Variants in RBMS1 observed in about 807,000 individuals in gnomAD.
RBMS1 encodes RNA-binding motif, single-stranded-interacting protein 1.
Under a neutral mutation model 62.3 loss-of-function variants are expected in RBMS1, and 17 were observed. The observed-to-expected ratio is 0.27, with a 90% CI of 0.19 to 0.41. RBMS1 has a LOEUF of 0.41. Among genes scored for constraint, RBMS1 ranks in the 10% least tolerant of loss-of-function variants. The pLI is 1.00. For missense variants in RBMS1, 334 were observed against 504.5 expected (o/e 0.66, Z 3.24); for synonymous variants, 172 against 170.0 (o/e 1.01, Z -0.09).
rs945310789 is a variant in RBMS1 at position 160,451,170 on chromosome 2, T to TA, written c.75+42118dup. On this transcript the variant is annotated intron_variant, in intron 1 of 13. Transcript: ENST00000348849. The stretch of plus-strand genomic sequence containing the variant: ...AGACCATGCTTCAGAAAAAAAAAAA[T>TA]AAATAAATAAAAACTAGAGAAAATA... Among the ~76,000 whole-genome samples, 25 of 127,736 alleles carry TA rather than the reference T, an allele frequency of 2.0e-4. 1 individual carries two copies. In the Middle Eastern group the frequency reaches 0.014, roughly 70 times the overall value. 83.8% of individuals were successfully genotyped at this position (127,736 alleles called of 152,430 possible).
intron 1 of RBMS1, chr2:160,407,622 G>A (rs1243409513): frequency 7.1e-6 from 7 of 981,898 alleles, no homozygotes; most frequent in South Asian, 4.5e-5. Flanking sequence ...GTGGCCGGCC[G>A]GGCCCGGGGC....
At chr2:160,292,872 TCTC>T (rs1352564897) in intron 6 of RBMS1, among the ~76,000 whole-genome samples, 3 of 152,126 alleles carry the variant, frequency 2.0e-5, no homozygotes, top group African/African-American at 7.2e-5. Context: ...AAACTAGTCT[TCTC>T]CTCCTCAGTA....
At chr2:160,382,158 A>C (rs1157463341) in intron 1 of RBMS1, among the ~76,000 whole-genome samples, 1 of 152,206 alleles carries the variant, frequency 6.6e-6, no homozygotes, top group African/African-American at 2.4e-5. Flanking sequence ...GCAGTGATTA[A>C]AATGTTATAT....
At chr2:160,318,086 G>C (rs1690326056) in intron 3 of RBMS1, 83 bp downstream of exon 3, 4 of 1,552,250 alleles carry the variant, frequency 2.6e-6, no homozygotes, top group Non-Finnish European at 3.5e-6. Context: ...AACGAAGGTG[G>C]TTTTGAAACC....
chr2:160,493,178 T>A, intron 1 of RBMS1, 111 bp downstream of exon 1: 2 of 1,073,186 alleles, frequency 1.9e-6, no homozygotes, highest in South Asian at 2.9e-5. Context: ...TTCCAGCAAC[T>A]CCGCCCGGCG....
At chr2:160,404,920 A>G (rs955005140) in intron 1 of RBMS1, among the ~76,000 whole-genome samples, 1 of 152,218 alleles carries the variant, frequency 6.6e-6, no homozygotes, top group Admixed American at 6.5e-5. Context: ...CAGTACATGT[A>G]GGCAGGCAGC....
At chr2:160,336,403 C>G (rs1250472030) in intron 2 of RBMS1, among the ~76,000 whole-genome samples, 1 of 152,004 alleles carries the variant, frequency 6.6e-6, no homozygotes, top group African/African-American at 2.4e-5. Flanking sequence ...GGGAGACAAC[C>G]CATGCCTCTA....
rs573647683 is a variant in RBMS1 at position 160,363,642 on chromosome 2, G to C, written c.251+3574C>G. 2.0e-5 allele frequency among the ~76,000 whole-genome samples: 3 copies of C among 152,278 alleles called. No homozygotes were observed. In the South Asian group the frequency reaches 6.2e-4, roughly 32 times the overall value. ...CTTAGTGACAAAGGGACAAAGAGAA[G>C]GAGCTGCTGACTCCTAAAGCTTTCC... On this transcript the variant is annotated intron_variant, in intron 2 of 13. Coordinates refer to ENST00000348849, the MANE Select transcript of RBMS1 (RefSeq NM_016836.4).
intron 1 of RBMS1, among the ~76,000 whole-genome samples, chr2:160,488,174 C>T (rs1254327723): frequency 6.6e-6 from 1 of 152,216 alleles, no homozygotes; most frequent in East Asian, 1.9e-4. Context: ...TTACATTTTG[C>T]TCTGTATCAC....
At chr2:160,461,434 T>C (rs1684459992) in intron 1 of RBMS1, among the ~76,000 whole-genome samples, 2 of 152,244 alleles carry the variant, frequency 1.3e-5, no homozygotes, top group Non-Finnish European at 2.9e-5. Context: ...TGCCTGAAGT[T>C]CTTCACTTTA....
intron 1 of RBMS1, among the ~76,000 whole-genome samples, chr2:160,376,804 C>CAAATAAAT (rs144445931): frequency 2.5e-4 from 37 of 150,944 alleles, no homozygotes; most frequent in South Asian, 6.3e-4. Flanking sequence ...TCTGGCTAAT[C>CAAATAAAT]AAATAAATAA....
chr2:160,352,228 A>G (rs1692556670), intron 2 of RBMS1, among the ~76,000 whole-genome samples: 1 of 152,102 alleles, frequency 6.6e-6, no homozygotes, highest in African/African-American at 2.4e-5. Context: ...GGTTCCTCCT[A>G]AAAGCCATAC....
At chr2:160,380,847 G>A (rs941336227) in intron 1 of RBMS1, among the ~76,000 whole-genome samples, 9 of 152,132 alleles carry the variant, frequency 5.9e-5, no homozygotes, top group Non-Finnish European at 1.2e-4. Flanking sequence ...GCTCTTCCCC[G>A]CAACCCAGTA....
At chr2:160,369,304 C>A (rs1240107842) in intron 1 of RBMS1, among the ~76,000 whole-genome samples, 1 of 152,160 alleles carries the variant, frequency 6.6e-6, no homozygotes, top group East Asian at 1.9e-4. Context: ...AAACTAAGAC[C>A]AAATTCTGAC....
Position 160,493,434 on chromosome 2 carries a change from C to G in RBMS1, c.-71G>C. On this transcript the variant is annotated 5_prime_UTR_variant, in exon 1 of 14. Coordinates refer to ENST00000348849, the MANE Select transcript of RBMS1 (RefSeq NM_016836.4). ...GTTTCCAAGTCTCGGGCTCTCCTGC[C>G]TCTCCCTTTCCGGCGGCGGCGGCAG... is the stretch of plus-strand genomic sequence containing the variant. 6.8e-7 allele frequency: 1 copy of G among 1,475,384 alleles called. No individual in the cohort carries two copies. Among genetic ancestry groups the G allele is most frequent in the Non-Finnish European group, 9.4e-7 (1 of 1,060,748 alleles). 91.4% of individuals were successfully genotyped at this position (1,475,384 alleles called of 1,614,324 possible).
At chr2:160,431,613 T>C (rs1682899188) in intron 1 of RBMS1, among the ~76,000 whole-genome samples, 1 of 151,838 alleles carries the variant, frequency 6.6e-6, no homozygotes, top group South Asian at 2.1e-4. Flanking sequence ...ACTTGACTCA[T>C]ACTTATTTCT....
intron 1 of RBMS1, among the ~76,000 whole-genome samples, chr2:160,437,500 TC>T (rs1683156957): frequency 6.6e-6 from 1 of 152,246 alleles, no homozygotes; most frequent in African/African-American, 2.4e-5. Context: ...CACAGAATCT[TC>T]ATCTTTCCAT....
At chr2:160,295,609 C>G (rs932749551) in intron 6 of RBMS1, among the ~76,000 whole-genome samples, 2 of 152,174 alleles carry the variant, frequency 1.3e-5, no homozygotes, top group African/African-American at 4.8e-5. Context: ...GAGGATCCTA[C>G]GATCATTTAC....
At chr2:160,346,218 G>A (rs1413840557) in intron 2 of RBMS1, among the ~76,000 whole-genome samples, 1 of 152,058 alleles carries the variant, frequency 6.6e-6, no homozygotes, top group Admixed American at 6.6e-5. Context: ...ATTACCGACC[G>A]TAGGAATGTA....
Sources: allele counts gnomAD v4.1 joint callset (sites outside exome capture counted in the v4.1 genomes callset), GRCh38; gene constraint gnomAD v4.1.1; transcripts MANE v1.5; gene names NCBI Gene and HGNC (gene_info 2026-07-23, HGNC 2026-07-21).